LLPH: variants seen among roughly 807,000 people sequenced by gnomAD.
LLPH encodes LLP homolog, long-term synaptic facilitation factor, also known as protein LLP homolog.
LLPH carries 5 observed loss-of-function variants against 13.3 expected under a neutral mutation model. That is an observed-to-expected ratio of 0.38 (90% CI 0.20 to 0.79). LLPH has a LOEUF of 0.79. Ranked by LOEUF, LLPH falls within the 30% of genes least tolerant of loss-of-function variation. LLPH has a pLI of 0.45. For missense variants in LLPH, 129 were observed against 152.1 expected (o/e 0.85, Z 0.80); for synonymous variants, 32 against 44.2 (o/e 0.72, Z 1.09).
At position 66,117,103 on chromosome 12, in the gene LLPH, C is replaced by CT. The variant is rs2051432992; in HGVS notation, c.*6736dup. 6.6e-6 allele frequency: 1 copy of CT among 152,006 alleles called. No individual in the cohort carries two copies. The highest frequency in any genetic ancestry group is 2.1e-4 in the South Asian group (1 of 4,822). 9.4% of individuals were successfully genotyped at this position (152,006 alleles called of 1,614,324 possible). A position where few individuals can be genotyped will look rare whatever the true frequency, so the allele number is the denominator to read the frequency against. On this transcript the variant is annotated 3_prime_UTR_variant, in exon 3 of 3. Coordinates refer to ENST00000266604, the MANE Select transcript of LLPH (RefSeq NM_032338.4). ...GGCATTTTTTTTTGGCTGAAAAGAA[C>CT]TTTAACAGCTTTCAACCCAAATTCC...
intron 2 of LLPH, among the ~76,000 whole-genome samples, chr12:66,126,341 A>T (rs990946747): frequency 7.9e-5 from 12 of 151,530 alleles, no homozygotes; most frequent in Non-Finnish European, 1.8e-4. Flanking sequence ...AAAAGTAAAA[A>T]AAAAAAGAAA....
chr12:66,126,561 C>A (rs1319079549), intron 2 of LLPH, among the ~76,000 whole-genome samples: 2 of 151,950 alleles, frequency 1.3e-5, no homozygotes, highest in Non-Finnish European at 2.9e-5. Context: ...AGACAAACAA[C>A]GTAATTGAAA....
At position 66,121,943 on chromosome 12, in the gene LLPH, A is replaced by G. The variant is rs1175729296; in HGVS notation, c.*1897T>C. The G allele has an allele frequency of 2.6e-5, 4 of 151,402 alleles. No homozygotes were observed. In the East Asian group the frequency reaches 7.8e-4, roughly 29 times the overall value. The allele number at this position is 151,402 out of a possible 1,614,324, so 9.4% of individuals were successfully genotyped here. A position where few individuals can be genotyped will look rare whatever the true frequency, so the allele number is the denominator to read the frequency against. ...CTACTGTATTTAGGCTGATATTGTC[A>G]GTGGCTTAACTGGTTGTTTGCAATT... is the stretch of plus-strand genomic sequence containing the variant. On this transcript the variant is annotated 3_prime_UTR_variant, in exon 3 of 3. Coordinates refer to ENST00000266604, the MANE Select transcript of LLPH (RefSeq NM_032338.4).
chr12:66,129,472 A>G (rs1273641384), intron 1 of LLPH, among the ~76,000 whole-genome samples: 1 of 150,258 alleles, frequency 6.7e-6, no homozygotes, highest in East Asian at 2.0e-4. Context: ...TGCAACCTCC[A>G]CCTCTCAGGT....
chr12:66,118,363 CAAAAA>C lies in LLPH; in HGVS notation c.*5472_*5476del, dbSNP rs34661421. 5.0e-5 allele frequency: 6 copies of C among 119,722 alleles called. No individual in the cohort carries two copies. The highest frequency in any genetic ancestry group is 9.1e-5 in the Admixed American group (1 of 10,978). 7.4% of individuals were successfully genotyped at this position (119,722 alleles called of 1,614,324 possible). A position where few individuals can be genotyped will look rare whatever the true frequency, so the allele number is the denominator to read the frequency against. On this transcript the variant is annotated 3_prime_UTR_variant, in exon 3 of 3. Transcript: ENST00000266604. ...GGGCAACAAGAGTGAAACTCCGTCTCAAAAAAAAAAAAAAAAAATATACAGCAGTA... is the reference window on the plus strand; with the variant it reads ...GGGCAACAAGAGTGAAACTCCGTCTCAAAAAAAAAAAAATATACAGCAGTA...
intron 2 of LLPH, among the ~76,000 whole-genome samples, chr12:66,128,322 A>G (rs2051510454): frequency 6.6e-6 from 1 of 152,222 alleles, no homozygotes; most frequent in African/African-American, 2.4e-5. Context: ...GGTGCATTAA[A>G]TGTGCAAAAA....
rs368455022 is a variant in LLPH, at chr12:66,121,883, C to CAAAAAAAA, written c.*1949_*1956dup. On this transcript the variant is annotated 3_prime_UTR_variant, in exon 3 of 3. Coordinates refer to ENST00000266604, the MANE Select transcript of LLPH (RefSeq NM_032338.4). ...TGGGTGACAGAGTGAGACCCCATCTCAAAAAAAAAAAAAAAAAAAACATAA... is the reference window on the plus strand; with the variant it reads ...TGGGTGACAGAGTGAGACCCCATCTCAAAAAAAAAAAAAAAAAAAAAAAAAAAACATAA... 2 of 73,156 alleles carry CAAAAAAAA rather than the reference C, an allele frequency of 2.7e-5. No homozygotes were observed. The highest frequency in any genetic ancestry group is 6.0e-4 in the South Asian group (1 of 1,660). The allele number at this position is 73,156 out of a possible 1,614,324, so 4.5% of individuals were successfully genotyped here. A position where few individuals can be genotyped will look rare whatever the true frequency, so the allele number is the denominator to read the frequency against.
At chr12:66,129,804 C>T (rs1176335740) in intron 1 of LLPH, among the ~76,000 whole-genome samples, 1 of 152,194 alleles carries the variant, frequency 6.6e-6, no homozygotes, top group East Asian at 1.9e-4. Context: ...ACCTCATCTT[C>T]ATTATCCATC....
Position 66,122,164 on chromosome 12 carries a change from G to C in LLPH, c.*1676C>G, listed in dbSNP as rs1236090272. The C allele has an allele frequency of 6.6e-6, 1 of 152,078 alleles. No homozygotes were observed. The highest frequency in any genetic ancestry group is 1.5e-5 in the Non-Finnish European group (1 of 67,990). The allele number at this position is 152,078 out of a possible 1,614,324, so 9.4% of individuals were successfully genotyped here. A position where few individuals can be genotyped will look rare whatever the true frequency, so the allele number is the denominator to read the frequency against. ...TAAACTATTGAGAAAAATAAGAAAA[G>C]TCTACTATATTTAAACAATTCCAAG... On this transcript the variant is annotated 3_prime_UTR_variant, in exon 3 of 3. Coordinates refer to ENST00000266604, the MANE Select transcript of LLPH (RefSeq NM_032338.4).
chr12:66,128,282 C>T (rs1230745329), intron 2 of LLPH, among the ~76,000 whole-genome samples: 6 of 152,082 alleles, frequency 3.9e-5, no homozygotes. Flanking sequence ...CTGGGTATTG[C>T]AAATACTTAA....
At chr12:66,125,216 A>C (rs1400638535) in intron 2 of LLPH, among the ~76,000 whole-genome samples, 1 of 152,258 alleles carries the variant, frequency 6.6e-6, no homozygotes, top group Non-Finnish European at 1.5e-5. Context: ...ACAAGAGCGG[A>C]AGAGAGAAGT....
Position 66,117,297 on chromosome 12 carries a change from A to G in LLPH, c.*6543T>C, listed in dbSNP as rs1196969896. On this transcript the variant is annotated 3_prime_UTR_variant, in exon 3 of 3. Coordinates refer to ENST00000266604, the MANE Select transcript of LLPH (RefSeq NM_032338.4). ...TAACAACTATTTACATAGCATTTTC[A>G]TTGTATTATAAGTAATCTAGAGATG... The G allele has an allele frequency of 9.9e-5, 15 of 152,194 alleles. No individual in the cohort carries two copies. Among genetic ancestry groups the G allele is most frequent in the Admixed American group, 9.8e-4 (15 of 15,276 alleles). The allele number at this position is 152,194 out of a possible 1,614,324, so 9.4% of individuals were successfully genotyped here.
rs748991898 is a variant in LLPH, at chr12:66,129,128, A to G, written c.-7-15T>C. 6.6e-7 allele frequency: 1 copy of G among 1,524,298 alleles called. No individual in the cohort carries two copies. Among genetic ancestry groups the G allele is most frequent in the Non-Finnish European group, 9.0e-7 (1 of 1,109,182 alleles). The allele number at this position is 1,524,298 out of a possible 1,614,324, so 94.4% of individuals were successfully genotyped here. On this transcript the variant is annotated splice_polypyrimidine_tract_variant and intron_variant, in intron 1 of 2. Coordinates refer to ENST00000266604, the MANE Select transcript of LLPH (RefSeq NM_032338.4). ...CCATGTTTTACCTGAAGTTAACAAA[A>G]ACACACATTCAAAAGCAAATCTTTA...
rs1277073069 is a variant in LLPH, at chr12:66,118,629, A to G, written c.*5211T>C. The G allele has an allele frequency of 6.6e-6, 1 of 152,206 alleles. No individual in the cohort carries two copies. Among genetic ancestry groups the G allele is most frequent in the Non-Finnish European group, 1.5e-5 (1 of 68,046 alleles). 9.4% of individuals were successfully genotyped at this position (152,206 alleles called of 1,614,324 possible). A position where few individuals can be genotyped will look rare whatever the true frequency, so the allele number is the denominator to read the frequency against. On this transcript the variant is annotated 3_prime_UTR_variant, in exon 3 of 3. Coordinates refer to ENST00000266604, the MANE Select transcript of LLPH (RefSeq NM_032338.4). Reference sequence around the variant, plus strand: ...CTTGACCAATTTGTAGCCTAGAAGCAATAGGCTATATCACATAGCCTAAGT... The same window carrying G: ...CTTGACCAATTTGTAGCCTAGAAGCGATAGGCTATATCACATAGCCTAAGT...
At chr12:66,128,455 A>C (rs1357741180) in intron 2 of LLPH, among the ~76,000 whole-genome samples, 1 of 152,196 alleles carries the variant, frequency 6.6e-6, no homozygotes, top group Non-Finnish European at 1.5e-5. Flanking sequence ...TAGGACTCAT[A>C]GAATGGGAAT....
Position 66,128,997 on chromosome 12 carries a change from C to T in LLPH, c.110G>A (p.Gly37Asp). 1.9e-6 allele frequency: 3 copies of T among 1,612,564 alleles called. No homozygotes were observed. The South Asian group carries it at 3.3e-5, about 18-fold the overall frequency. The change falls in exon 2 of 3, where the codon GGT (glycine) becomes GAT (aspartate). Residue 37 changes from glycine to aspartate, a missense_variant. Coordinates refer to ENST00000266604, the MANE Select transcript of LLPH (RefSeq NM_032338.4). ...TTGAACATCTTTCATTAAAACATCACCGTCTAGTTTGAGAATACTTTTAAG... is the reference window on the plus strand; with the variant it reads ...TTGAACATCTTTCATTAAAACATCATCGTCTAGTTTGAGAATACTTTTAAG... The part of the protein sequence containing the change: ...SRLKSILKLD[G>D]DVLMKDVQEI...
Position 66,121,332 on chromosome 12 carries a change from G to C in LLPH, c.*2508C>G, listed in dbSNP as rs1401477404. ...AGTTTCGCTCTTCTTGCTCAGGCTG[G>C]AGTGCAATGGTGTGGTCTTGACTCA... On this transcript the variant is annotated 3_prime_UTR_variant, in exon 3 of 3. Coordinates refer to ENST00000266604, the MANE Select transcript of LLPH (RefSeq NM_032338.4). The C allele has an allele frequency of 2.0e-5, 3 of 147,714 alleles. No homozygotes were observed. Among genetic ancestry groups the C allele is most frequent in the African/African-American group, 7.6e-5 (3 of 39,722 alleles). The allele number at this position is 147,714 out of a possible 1,614,324, so 9.2% of individuals were successfully genotyped here.
Position 66,119,681 on chromosome 12 carries a change from T to A in LLPH, c.*4159A>T, listed in dbSNP as rs966392594. 2.0e-5 allele frequency: 3 copies of A among 152,250 alleles called. No individual in the cohort carries two copies. Among genetic ancestry groups the A allele is most frequent in the Non-Finnish European group, 4.4e-5 (3 of 68,034 alleles). 9.4% of individuals were successfully genotyped at this position (152,250 alleles called of 1,614,324 possible). A position where few individuals can be genotyped will look rare whatever the true frequency, so the allele number is the denominator to read the frequency against. ...AGTAAGATTAGCCAACAGCTTAGCA[T>A]CTGCATTTCTATTGTAGTATTTATA... On this transcript the variant is annotated 3_prime_UTR_variant, in exon 3 of 3. Transcript: ENST00000266604.
At chr12:66,128,727 C>T (rs1274141788) in intron 2 of LLPH, among the ~76,000 whole-genome samples, 169 bp downstream of exon 2, 1 of 151,604 alleles carries the variant, frequency 6.6e-6, no homozygotes, top group African/African-American at 2.4e-5. Context: ...TGCCTGTAAC[C>T]CAGTGCTTTG....
Sources: allele counts gnomAD v4.1 joint callset (sites outside exome capture counted in the v4.1 genomes callset), GRCh38; gene constraint gnomAD v4.1.1; transcripts MANE v1.5; gene names NCBI Gene and HGNC (gene_info 2026-07-23, HGNC 2026-07-21).